HTR1F: variants seen among roughly 807,000 people sequenced by gnomAD.
The protein encoded by HTR1F is 5-hydroxytryptamine receptor 1F.
HTR1F carries 17 observed loss-of-function variants against 24.0 expected under a neutral mutation model. The ratio of observed to expected loss-of-function variants is 0.71; its 90% CI spans 0.48 to 1.06. The LOEUF is 1.06. Among genes scored for constraint, HTR1F ranks in the 50% least tolerant of loss-of-function variants. The pLI, the probability that HTR1F is intolerant of heterozygous loss-of-function variation, is 0.00. For synonymous variants in HTR1F, 186 were observed against 156.8 expected (o/e 1.19, Z -1.39); for missense variants, 391 against 427.8 (o/e 0.91, Z 0.76).
intron 1 of HTR1F, among the ~76,000 whole-genome samples, chr3:87,793,059 C>T (rs553676311): frequency 7.2e-5 from 11 of 152,222 alleles, no homozygotes; most frequent in Admixed American, 5.9e-4. Flanking sequence ...CTGCCCACAA[C>T]CTCTGCTCCC....
At chr3:87,804,576 T>A (rs1704045041) in intron 1 of HTR1F, among the ~76,000 whole-genome samples, 1 of 152,138 alleles carries the variant, frequency 6.6e-6, no homozygotes, top group Admixed American at 6.5e-5. Flanking sequence ...TCTAGAAATT[T>A]GAATATCAGT....
chr3:87,817,567 C>T (rs951022899), intron 1 of HTR1F, among the ~76,000 whole-genome samples: 4 of 152,248 alleles, frequency 2.6e-5, no homozygotes, highest in African/African-American at 7.2e-5. Context: ...ACACTTGTTG[C>T]ATTACCGAGT....
chr3:87,935,537 C>G (rs2107421959), intron 2 of HTR1F, among the ~76,000 whole-genome samples: 1 of 151,544 alleles, frequency 6.6e-6, no homozygotes, highest in African/African-American at 2.4e-5. Flanking sequence ...CTAAATGAAA[C>G]TGCTTCACTC....
chr3:87,930,310 C>A (rs1190091633), intron 2 of HTR1F, among the ~76,000 whole-genome samples: 1 of 152,132 alleles, frequency 6.6e-6, no homozygotes, highest in Non-Finnish European at 1.5e-5. Flanking sequence ...TCCAGGACTT[C>A]CAATACTATG....
intron 2 of HTR1F, chr3:87,910,461 G>A (rs1703754197): frequency 6.6e-6 from 1 of 151,486 alleles, no homozygotes; most frequent in Non-Finnish European, 1.5e-5. Flanking sequence ...GAAGCACCCA[G>A]ATTCCTAAAG....
At chr3:87,865,448 A>T (rs2107239615) in intron 2 of HTR1F, among the ~76,000 whole-genome samples, 1 of 152,206 alleles carries the variant, frequency 6.6e-6, no homozygotes, top group Non-Finnish European at 1.5e-5. Context: ...ACCGACAATC[A>T]CCTTATGCCA....
At chr3:87,898,822 C>A (rs1706258048) in intron 2 of HTR1F, among the ~76,000 whole-genome samples, 1 of 151,944 alleles carries the variant, frequency 6.6e-6, no homozygotes, top group Admixed American at 6.6e-5. Flanking sequence ...TTATAAGCAA[C>A]TCAGAGAAAT....
chr3:87,802,587 C>T (rs187737580), intron 1 of HTR1F, among the ~76,000 whole-genome samples: 311 of 152,050 alleles, frequency 2.0e-3, no homozygotes, highest in Non-Finnish European at 3.8e-3. Flanking sequence ...TTCTAGCAGT[C>T]CTCCTGCCTC....
At chr3:87,873,456 C>A (rs925493891) in intron 2 of HTR1F, among the ~76,000 whole-genome samples, 2 of 152,096 alleles carry the variant, frequency 1.3e-5, no homozygotes, top group Non-Finnish European at 2.9e-5. Flanking sequence ...ACCCCTTTGT[C>A]TTTTTCTTCT....
At chr3:87,793,274 G>A (rs937460901) in intron 1 of HTR1F, 2 of 152,248 alleles carry the variant, frequency 1.3e-5, no homozygotes, top group East Asian at 3.9e-4. Context: ...AGCGGAAGGA[G>A]GGGAGAGTCT....
intron 2 of HTR1F, among the ~76,000 whole-genome samples, chr3:87,862,572 C>A (rs1288516472): frequency 1.3e-5 from 2 of 152,148 alleles, no homozygotes; most frequent in Admixed American, 6.6e-5. Context: ...AAGACCAATG[C>A]ATGGATCTCC....
chr3:87,974,359 G>T (rs1465000344), intron 2 of HTR1F, among the ~76,000 whole-genome samples: 2 of 152,158 alleles, frequency 1.3e-5, no homozygotes, highest in Non-Finnish European at 2.9e-5. Context: ...TAAAGTAAGA[G>T]AACAATTTTT....
Position 87,981,955 on chromosome 3 carries a change from T to C in HTR1F, c.-42-8753T>C, listed in dbSNP as rs563329111. ...CCTTCTTCTTTCTTTTTTTTTTATGTCTCACTCTGGCCTGTCACCCAGGCT... is the reference window on the plus strand; with the variant it reads ...CCTTCTTCTTTCTTTTTTTTTTATGCCTCACTCTGGCCTGTCACCCAGGCT... On this transcript the variant is annotated intron_variant, in intron 2 of 2. Transcript: ENST00000319595. Among the ~76,000 whole-genome samples the C allele has an allele frequency of 2.6e-5, 4 of 151,512 alleles. No homozygotes were observed. In the South Asian group the frequency reaches 8.3e-4, roughly 32 times the overall value.
At chr3:87,807,255 A>G (rs1229644815) in intron 1 of HTR1F, among the ~76,000 whole-genome samples, 1 of 152,084 alleles carries the variant, frequency 6.6e-6, no homozygotes, top group Non-Finnish European at 1.5e-5. Flanking sequence ...CTACTGATCC[A>G]TGAGCATGGA....
intron 2 of HTR1F, among the ~76,000 whole-genome samples, chr3:87,947,430 G>A (rs1191891231): frequency 6.6e-6 from 1 of 152,158 alleles, no homozygotes; most frequent in Non-Finnish European, 1.5e-5. Context: ...TTGTGTAAAT[G>A]TAGGGGGGAA....
At chr3:87,896,937 G>T (rs1334355782) in intron 2 of HTR1F, among the ~76,000 whole-genome samples, 1 of 152,060 alleles carries the variant, frequency 6.6e-6, no homozygotes, top group Non-Finnish European at 1.5e-5. Flanking sequence ...GGAGAAAAGG[G>T]AACCCTTGTA....
At chr3:87,831,167 T>C (rs1479155916) in intron 2 of HTR1F, among the ~76,000 whole-genome samples, 1 of 151,786 alleles carries the variant, frequency 6.6e-6, no homozygotes, top group African/African-American at 2.4e-5. Flanking sequence ...AATATTCTTA[T>C]ATATATGAGA....
At chr3:87,938,513 G>A (rs141244698) in intron 2 of HTR1F, among the ~76,000 whole-genome samples, 1 of 152,230 alleles carries the variant, frequency 6.6e-6, no homozygotes, top group African/African-American at 2.4e-5. Context: ...AAAGCAAGCA[G>A]CATCACCTTA....
intron 1 of HTR1F, among the ~76,000 whole-genome samples, chr3:87,804,994 T>A (rs752733429): frequency 4.6e-5 from 7 of 152,088 alleles, no homozygotes; most frequent in Non-Finnish European, 8.8e-5. Context: ...AATGTTTTTT[T>A]CTAGAGTCAA....
Sources: gnomAD v4.1 joint callset for allele counts (sites outside exome capture counted in the v4.1 genomes callset) on GRCh38, gnomAD v4.1.1 for gene constraint, MANE v1.5 for transcripts, NCBI Gene and HGNC (gene_info 2026-07-23, HGNC 2026-07-21) for gene names.